Variants in TSPEAR observed in about 807,000 individuals in gnomAD.
The protein encoded by TSPEAR is thrombospondin-type laminin G domain and EAR repeat-containing protein.
A neutral mutation model predicts 71.6 loss-of-function variants in TSPEAR; 69 were observed. The ratio of observed to expected loss-of-function variants is 0.96; its 90% CI spans 0.79 to 1.18. TSPEAR has a LOEUF of 1.18. Ranked by LOEUF, TSPEAR falls within the 50% of genes most tolerant of loss-of-function variation. TSPEAR has a pLI of 0.00. For missense variants in TSPEAR, 971 were observed against 894.9 expected (o/e 1.09, Z -1.09); for synonymous variants, 402 against 387.2 (o/e 1.04, Z -0.45).
intron 1 of TSPEAR, among the ~76,000 whole-genome samples, chr21:44,597,397 C>T (rs1201827152): frequency 6.7e-6 from 1 of 150,186 alleles, no homozygotes; most frequent in Non-Finnish European, 1.5e-5. Flanking sequence ...TTGTTACTTT[C>T]AAGCTTTCTG....
rs1979538305 is a variant in TSPEAR at position 44,588,808 on chromosome 21, T to C, written c.83-20803A>G. On this transcript the variant is annotated intron_variant, in intron 1 of 11. Coordinates refer to ENST00000323084, the MANE Select transcript of TSPEAR (RefSeq NM_144991.3). ...GTGTGTATATATATATATGATGGAA[T>C]ACTACTCAGTAATAAAAAGAAATGA... 4.6e-5 allele frequency among the ~76,000 whole-genome samples: 7 copies of C among 150,844 alleles called. No individual in the cohort carries two copies. In the South Asian group the frequency reaches 1.5e-3, roughly 32 times the overall value.
chr21:44,616,801 C>A (rs1465011255), intron 1 of TSPEAR, among the ~76,000 whole-genome samples: 3 of 152,262 alleles, frequency 2.0e-5, no homozygotes, highest in Admixed American at 1.3e-4. Flanking sequence ...TAAGGCAGCA[C>A]GTGCCCGCAC....
chr21:44,646,853 G>A, intron 1 of TSPEAR: 9 of 1,577,494 alleles, frequency 5.7e-6, no homozygotes, highest in Non-Finnish European at 7.8e-6. Flanking sequence ...CAGTCTAGCT[G>A]CCAGCCAGCT....
intron 1 of TSPEAR, among the ~76,000 whole-genome samples, chr21:44,659,298 G>A (rs1555943218): frequency 4.7e-5 from 1 of 21,352 alleles, no homozygotes; most frequent in East Asian, 1.2e-3. Flanking sequence ...CACAAGCACT[G>A]ATGATACACC....
At chr21:44,698,553 C>T (rs1569266734) in intron 1 of TSPEAR, among the ~76,000 whole-genome samples, 1 of 152,174 alleles carries the variant, frequency 6.6e-6, no homozygotes, top group Non-Finnish European at 1.5e-5. Flanking sequence ...CGGGGTCACT[C>T]GCAGGCACAG....
chr21:44,572,250 G>A (rs1385022354), intron 1 of TSPEAR, among the ~76,000 whole-genome samples: 25 of 152,172 alleles, frequency 1.6e-4, no homozygotes, highest in African/African-American at 5.6e-4. Flanking sequence ...CAGAGAAGTC[G>A]AGGAGACCTT....
chr21:44,647,408 T>G, intron 1 of TSPEAR: 1 of 1,580,514 alleles, frequency 6.3e-7, no homozygotes, highest in East Asian at 2.2e-5. Context: ...AGCAGGATTC[T>G]CCAGTCTCAG....
At chr21:44,672,057 T>C (rs1986079654) in intron 1 of TSPEAR, among the ~76,000 whole-genome samples, 1 of 151,406 alleles carries the variant, frequency 6.6e-6, no homozygotes, top group Non-Finnish European at 1.5e-5. Context: ...ATACATGAAA[T>C]AAAAAATCCA....
At chr21:44,706,671 G>A (rs978326965) in intron 1 of TSPEAR, among the ~76,000 whole-genome samples, 17 of 152,348 alleles carry the variant, frequency 1.1e-4, no homozygotes, top group Admixed American at 2.0e-4. Flanking sequence ...CCGGGCCTCA[G>A]GGGTCGCCCC....
intron 1 of TSPEAR, among the ~76,000 whole-genome samples, chr21:44,639,870 G>T (rs1481408270): frequency 1.3e-5 from 2 of 152,224 alleles, no homozygotes; most frequent in African/African-American, 4.8e-5. Flanking sequence ...CCCCAGGGAG[G>T]ATACCTCCTG....
intron 1 of TSPEAR, among the ~76,000 whole-genome samples, chr21:44,678,480 A>G (rs1324783741): frequency 6.6e-6 from 1 of 152,136 alleles, no homozygotes; most frequent in African/African-American, 2.4e-5. Context: ...TAGAAGCAGA[A>G]GCCTCTATGG....
intron 1 of TSPEAR, among the ~76,000 whole-genome samples, chr21:44,586,175 G>T (rs959734994): frequency 3.9e-5 from 6 of 152,362 alleles, no homozygotes; most frequent in Admixed American, 2.6e-4. Flanking sequence ...AGTTAAAGAC[G>T]CCTGAGTGCC....
intron 9 of TSPEAR, among the ~76,000 whole-genome samples, chr21:44,521,200 G>A (rs979454489): frequency 3.3e-5 from 5 of 152,222 alleles, no homozygotes; most frequent in African/African-American, 1.2e-4. Context: ...CTCCTCCGGG[G>A]AACTGGGCTC....
At chr21:44,610,419 C>A (rs1981585122) in intron 1 of TSPEAR, among the ~76,000 whole-genome samples, 1 of 152,214 alleles carries the variant, frequency 6.6e-6, no homozygotes, top group Non-Finnish European at 1.5e-5. Context: ...AAGCCCCAAG[C>A]CTTGGCAGCT....
At chr21:44,507,419 A>G (rs898856777) in intron 10 of TSPEAR, among the ~76,000 whole-genome samples, 15 of 152,272 alleles carry the variant, frequency 9.9e-5, no homozygotes, top group East Asian at 1.9e-4. Flanking sequence ...GTGAGGCCAC[A>G]TCACGTCTCC....
chr21:44,571,860 C>T (rs1005531668), intron 1 of TSPEAR, among the ~76,000 whole-genome samples: 4 of 152,168 alleles, frequency 2.6e-5, no homozygotes, highest in African/African-American at 9.7e-5. Context: ...CTCCTCCTCC[C>T]GGGAGAATTT....
chr21:44,706,662 C>A (rs1188934730), intron 1 of TSPEAR, among the ~76,000 whole-genome samples: 1 of 152,222 alleles, frequency 6.6e-6, no homozygotes, highest in Non-Finnish European at 1.5e-5. Context: ...CGAGCAGCTC[C>A]GGGCCTCAGG....
intron 2 of TSPEAR, chr21:44,558,383 C>T (rs368075260): frequency 3.7e-6 from 6 of 1,613,210 alleles, no homozygotes; most frequent in Non-Finnish European, 5.1e-6. Context: ...AGCAGACGGG[C>T]ACACAGCAGA....
intron 1 of TSPEAR, among the ~76,000 whole-genome samples, chr21:44,626,011 C>A (rs1040432662): frequency 9.2e-5 from 14 of 152,202 alleles, no homozygotes; most frequent in Non-Finnish European, 1.2e-4. Context: ...ATTTTAGAAA[C>A]CCTGTGGGGA....
Sources: gnomAD v4.1 joint callset for allele counts (sites outside exome capture counted in the v4.1 genomes callset) on GRCh38, gnomAD v4.1.1 for gene constraint, MANE v1.5 for transcripts, NCBI Gene and HGNC (gene_info 2026-07-23, HGNC 2026-07-21) for gene names.